The following DOCK4 variants were observed in gnomAD, a reference collection of about 807,000 sequenced individuals.
DOCK4 encodes dedicator of cytokinesis 4.
A neutral mutation model predicts 268.1 loss-of-function variants in DOCK4; 97 were observed. The ratio of observed to expected loss-of-function variants is 0.36; its 90% CI spans 0.31 to 0.43. The LOEUF (loss-of-function observed/expected upper bound fraction) is 0.43, where lower values mean the gene tolerates loss of function less well. Ranked by LOEUF, DOCK4 falls within the 20% of genes least tolerant of loss-of-function variation. The pLI, the probability that DOCK4 is intolerant of heterozygous loss-of-function variation, is 1.00. For missense variants in DOCK4, 2,145 were observed against 2,455.7 expected, an observed-to-expected ratio of 0.87 and a Z score of 2.67; for synonymous variants, 954 against 887.2, an observed-to-expected ratio of 1.08 and a Z score of -1.34.
In DOCK4 at chr7:111,887,440, T is replaced by C. The variant is rs935799787; in HGVS notation, c.1587+8172A>G. ...CTAAACCCCTGGTAACATCAACATTTAAGGTATCCATAAAGAGAAATGAGT... is the reference window on the plus strand; with the variant it reads ...CTAAACCCCTGGTAACATCAACATTCAAGGTATCCATAAAGAGAAATGAGT... On this transcript the variant is annotated intron_variant, in intron 16 of 52. Coordinates refer to ENST00000428084, the MANE Select transcript of DOCK4 (RefSeq NM_001363540.2). Among the ~76,000 whole-genome samples the C allele has an allele frequency of 8.2e-4, 125 of 152,196 alleles. 2 individuals carry two copies. The highest frequency in any genetic ancestry group is 2.4e-4 in the Non-Finnish European group (16 of 68,000).
chr7:112,020,861 C>T lies in DOCK4; in HGVS notation c.38-16730G>A, dbSNP rs182873120. Among the ~76,000 whole-genome samples, 162 of 152,280 alleles carry T rather than the reference C, an allele frequency of 1.1e-3. 1 individual carries two copies. Among genetic ancestry groups the T allele is most frequent in the African/African-American group, 3.6e-3 (148 of 41,558 alleles). On this transcript the variant is annotated intron_variant, in intron 1 of 52. Transcript: ENST00000428084. ...GAACTCTGGTAAAACATGATCTAAT[C>T]CTAACACATGATCTAATCCAAATTT...
chr7:112,113,450 T>C (rs1299801191), intron 1 of DOCK4, among the ~76,000 whole-genome samples: 2 of 152,078 alleles, frequency 1.3e-5, no homozygotes, highest in Non-Finnish European at 2.9e-5. Context: ...GAGAAAAAAA[T>C]CACATTGGAA....
chr7:112,082,078 T>C (rs1040516735), intron 1 of DOCK4, among the ~76,000 whole-genome samples: 6 of 152,200 alleles, frequency 3.9e-5, no homozygotes, highest in Admixed American at 3.9e-4. Context: ...ACATTATACA[T>C]GTAGAGTTCT....
At position 111,977,112 on chromosome 7, in the gene DOCK4, C is replaced by G. The variant is rs1451742887; in HGVS notation, c.701+20G>C. On this transcript the variant is annotated intron_variant, in intron 8 of 52. Transcript: ENST00000428084. Reference sequence around the variant, plus strand: ...ATTCTAACATTAAGACATTGAAACCCTATCTCCACGTGCAGGTACCTGATT... The same window carrying G: ...ATTCTAACATTAAGACATTGAAACCGTATCTCCACGTGCAGGTACCTGATT... The G allele has an allele frequency of 6.2e-7, 1 of 1,612,240 alleles. No individual in the cohort carries two copies. The highest frequency in any genetic ancestry group is 1.1e-5 in the South Asian group (1 of 90,536).
At chr7:111,953,903 T>G (rs911442860) in intron 8 of DOCK4, 1 of 152,262 alleles carries the variant, frequency 6.6e-6, no homozygotes, top group African/African-American at 2.4e-5. Flanking sequence ...TTATTTGCCT[T>G]CCTAGAAGTT....
chr7:111,998,079 G>C (rs1177965130), intron 4 of DOCK4, among the ~76,000 whole-genome samples: 3 of 152,188 alleles, frequency 2.0e-5, no homozygotes, highest in Non-Finnish European at 4.4e-5. Context: ...AGAATCAGTG[G>C]TGAACCTAGG....
At chr7:111,959,587 C>T (rs1796706987) in intron 8 of DOCK4, among the ~76,000 whole-genome samples, 1 of 152,166 alleles carries the variant, frequency 6.6e-6, no homozygotes, top group South Asian at 2.1e-4. Flanking sequence ...CATACATACA[C>T]AAAAATATTA....
At chr7:111,793,034 C>G (rs1014397338) in intron 30 of DOCK4, among the ~76,000 whole-genome samples, 23 of 152,220 alleles carry the variant, frequency 1.5e-4, no homozygotes, top group African/African-American at 5.1e-4. Flanking sequence ...AAGCTAAACT[C>G]ATGTATTATA....
At chr7:111,961,002 ATC>A (rs1796839182) in intron 8 of DOCK4, among the ~76,000 whole-genome samples, 1 of 152,146 alleles carries the variant, frequency 6.6e-6, no homozygotes, top group Non-Finnish European at 1.5e-5. Context: ...AAGTGCAGAT[ATC>A]TCTTGCACAC....
chr7:112,133,538 C>T (rs191364642), intron 1 of DOCK4, among the ~76,000 whole-genome samples: 35 of 152,040 alleles, frequency 2.3e-4, no homozygotes, highest in African/African-American at 8.4e-4. Context: ...TTGAGACTAG[C>T]CTGGGGGACA....
At chr7:111,756,991 C>T (rs893060407) in intron 41 of DOCK4, among the ~76,000 whole-genome samples, 8 of 151,924 alleles carry the variant, frequency 5.3e-5, no homozygotes, top group Non-Finnish European at 8.8e-5. Context: ...GAGGGGGTGA[C>T]GCGTGAGCTG....
In DOCK4 at chr7:111,872,451, A is replaced by G. The variant is rs775505716; in HGVS notation, c.1842+16T>C. The G allele has an allele frequency of 6.4e-7, 1 of 1,551,730 alleles. No homozygotes were observed. The highest frequency in any genetic ancestry group is 8.8e-7 in the Non-Finnish European group (1 of 1,142,516). On this transcript the variant is annotated intron_variant, in intron 18 of 52. Transcript: ENST00000428084. ...ATGAATCTCTGCAAGGAAAATAGTA[A>G]TGAAATACTATATACCTTTACTATC... is the stretch of plus-strand genomic sequence containing the variant.
chr7:112,135,063 CT>C (rs1323425141), intron 1 of DOCK4, among the ~76,000 whole-genome samples: 15 of 151,894 alleles, frequency 9.9e-5, no homozygotes, highest in Non-Finnish European at 5.9e-5. Context: ...CAATAAAGTC[CT>C]TTCTGTATAA....
At chr7:112,158,016 G>A (rs1816778830) in intron 1 of DOCK4, among the ~76,000 whole-genome samples, 1 of 152,158 alleles carries the variant, frequency 6.6e-6, no homozygotes, top group African/African-American at 2.4e-5. Flanking sequence ...ATACACTGAA[G>A]TGCAGTATAT....
At chr7:112,027,132 C>G (rs7808736) in intron 1 of DOCK4, among the ~76,000 whole-genome samples, 39,970 of 152,102 alleles carry the variant, frequency 0.26, 6,825 homozygotes, top group Non-Finnish European at 0.39. Flanking sequence ...GAGACTCTTA[C>G]AGAATTCTAA....
chr7:112,126,984 T>C (rs1813279000), intron 1 of DOCK4, among the ~76,000 whole-genome samples: 2 of 152,040 alleles, frequency 1.3e-5, no homozygotes, highest in Admixed American at 6.6e-5. Flanking sequence ...AGTTCAACCA[T>C]TGTGGAAGTC....
At chr7:111,742,750 T>C (rs1796004244) in intron 44 of DOCK4, among the ~76,000 whole-genome samples, 1 of 152,174 alleles carries the variant, frequency 6.6e-6, no homozygotes, top group Admixed American at 6.5e-5. Flanking sequence ...TCCCAGCACT[T>C]TGGGAGGCCA....
chr7:112,093,799 A>G (rs1312120909), intron 1 of DOCK4, among the ~76,000 whole-genome samples: 1 of 151,890 alleles, frequency 6.6e-6, no homozygotes, highest in Non-Finnish European at 1.5e-5. Flanking sequence ...TAAAAATTCT[A>G]TAGAAATATT....
intron 1 of DOCK4, among the ~76,000 whole-genome samples, chr7:112,006,095 C>T (rs1800837125): frequency 6.6e-6 from 1 of 152,166 alleles, no homozygotes; most frequent in Admixed American, 6.5e-5. Flanking sequence ...TCTCCAGACA[C>T]TCAAGTGTAG....
Sources: allele counts gnomAD v4.1 joint callset (sites outside exome capture counted in the v4.1 genomes callset), GRCh38; gene constraint gnomAD v4.1.1; transcripts MANE v1.5; gene names NCBI Gene and HGNC (gene_info 2026-07-23, HGNC 2026-07-21).